Variants in PLEKHG2 observed in about 807,000 individuals in gnomAD.
PLEKHG2 encodes the protein pleckstrin homology and RhoGEF domain containing G2, also known as pleckstrin homology domain-containing family G member 2.
PLEKHG2 carries 71 observed loss-of-function variants against 104.4 expected under a neutral mutation model. The ratio of observed to expected loss-of-function variants is 0.68; its 90% CI spans 0.56 to 0.83. The LOEUF (loss-of-function observed/expected upper bound fraction) is 0.83, where lower values mean the gene tolerates loss of function less well. Among genes scored for constraint, PLEKHG2 ranks in the 40% least tolerant of loss-of-function variants. PLEKHG2 has a pLI of 0.00. For synonymous variants in PLEKHG2, 728 were observed against 737.0 expected (o/e 0.99, Z 0.20); for missense variants, 1,730 against 1,809.4 (o/e 0.96, Z 0.80).
chr19:39,425,356 T>C lies in PLEKHG2; in HGVS notation c.*62T>C, dbSNP rs2078769723. On this transcript the variant is annotated 3_prime_UTR_variant, in exon 19 of 19. Coordinates refer to ENST00000425673, the MANE Select transcript of PLEKHG2 (RefSeq NM_022835.3). ...GCCAGATGCCATAGACCCTCAGAACTTGACCTGGAAGTCCAGACACTGAAC... is the reference window on the plus strand; with the variant it reads ...GCCAGATGCCATAGACCCTCAGAACCTGACCTGGAAGTCCAGACACTGAAC... 6.5e-7 allele frequency: 1 copy of C among 1,541,648 alleles called. No homozygotes were observed. The highest frequency in any genetic ancestry group is 1.4e-5 in the African/African-American group (1 of 71,956).
intron 9 of PLEKHG2, 150 bp downstream of exon 9, chr19:39,418,255 G>A (rs779553753): frequency 9.6e-5 from 68 of 705,534 alleles, no homozygotes; most frequent in Non-Finnish European, 1.3e-4. Context: ...TCTTTCTAGT[G>A]TATAGAATGA....
chr19:39,415,204 C>T lies in PLEKHG2; in HGVS notation c.322C>T (p.Arg108Trp), dbSNP rs140971020. The change falls in exon 3 of 19, where the codon CGG becomes TGG. Residue 108 changes from arginine (R) to tryptophan (W), a missense_variant. Arg to Trp is a moderately radical substitution (Grantham distance 101, BLOSUM62 -3). Coordinates refer to ENST00000425673, the MANE Select transcript of PLEKHG2 (RefSeq NM_022835.3). The surrounding 1 kb of genome is among the most constrained non-coding windows in gnomAD (Gnocchi z 4.6). ...ARPSRLERVA[R>W]EIVETERAYV... ...ACCCTCAAGGCTGGAGCGTGTGGCC[C>T]GGGAGATCGTGGAGACAGAACGGGC... 21 of 1,585,098 alleles carry T rather than the reference C, an allele frequency of 1.3e-5. No homozygotes were observed. In the East Asian group the frequency reaches 1.4e-4, roughly 10 times the overall value.
In PLEKHG2 at chr19:39,416,515, G is replaced by C. The variant is rs757422525; in HGVS notation, c.547-36G>C. On this transcript the variant is annotated intron_variant, in intron 5 of 18. Coordinates refer to ENST00000425673, the MANE Select transcript of PLEKHG2 (RefSeq NM_022835.3). This position sits in a 1 kb window ranked among gnomAD's most constrained non-coding sequence, Gnocchi z 4.5. The stretch of plus-strand genomic sequence containing the variant: ...TGGAAGGGGGGTCGTGGGAAGCCAG[G>C]ACCTGGGGTCTCCCTGACTCCCATG... The C allele has an allele frequency of 6.2e-7, 1 of 1,613,702 alleles. No individual in the cohort carries two copies. The highest frequency in any genetic ancestry group is 8.5e-7 in the Non-Finnish European group (1 of 1,179,832).
intron 8 of PLEKHG2, 64 bp downstream of exon 8, chr19:39,417,756 T>TGGGGGCATGGGGGGGGGG: frequency 2.9e-6 from 1 of 343,354 alleles, no homozygotes; most frequent in Non-Finnish European, 4.4e-6. Flanking sequence ...TTGGGGCGGG[T>TGGGGGCATGGGGGGGGGG]GGGGGGAAAT....
At chr19:39,421,994 G>C in intron 16 of PLEKHG2, 121 bp from the exon 17 acceptor site, 2 of 1,079,920 alleles carry the variant, frequency 1.9e-6, no homozygotes, top group Non-Finnish European at 2.5e-6. Flanking sequence ...TGCAGGCTGG[G>C]CGACAGAGCG....
At position 39,416,604 on chromosome 19, in the gene PLEKHG2, G is replaced by T. The variant is rs1247455471; in HGVS notation, c.593+7G>T. Reference sequence around the variant, plus strand: ...ACTGCATGAACTACCCGAGGTGAGGGGCAGGAGCCCCTGCTGGGCCTCAGG... The same window carrying T: ...ACTGCATGAACTACCCGAGGTGAGGTGCAGGAGCCCCTGCTGGGCCTCAGG... On this transcript the variant is annotated splice_region_variant and intron_variant, in intron 6 of 18. Coordinates refer to ENST00000425673, the MANE Select transcript of PLEKHG2 (RefSeq NM_022835.3). This position sits in a 1 kb window ranked among gnomAD's most constrained non-coding sequence, Gnocchi z 4.5. The T allele has an allele frequency of 3.1e-6, 5 of 1,613,794 alleles. No individual in the cohort carries two copies. Among genetic ancestry groups the T allele is most frequent in the Non-Finnish European group, 3.4e-6 (4 of 1,179,904 alleles).
chr19:39,416,465 G>T lies in PLEKHG2; in HGVS notation c.546+51G>T, dbSNP rs370442696. ...GGTCCTGGATGGGGCCTTTGTAGAG[G>T]GGGGAGAGCAGGCTTGGGCTAGGCT... On this transcript the variant is annotated intron_variant, in intron 5 of 18. Transcript: ENST00000425673. This position sits in a 1 kb window ranked among gnomAD's most constrained non-coding sequence, Gnocchi z 4.5. The T allele has an allele frequency of 1.8e-3, 2,975 of 1,611,328 alleles. 72 individuals carry two copies. In the South Asian group the frequency reaches 0.03, roughly 16 times the overall value.
rs1314311620 is a variant in PLEKHG2, at chr19:39,415,792, G to A, written c.479+353G>A. 6.6e-6 allele frequency among the ~76,000 whole-genome samples: 1 copy of A among 152,168 alleles called. No individual in the cohort carries two copies. Among genetic ancestry groups the A allele is most frequent in the Non-Finnish European group, 1.5e-5 (1 of 68,014 alleles). On this transcript the variant is annotated intron_variant, in intron 4 of 18. Coordinates refer to ENST00000425673, the MANE Select transcript of PLEKHG2 (RefSeq NM_022835.3). This position sits in a 1 kb window ranked among gnomAD's most constrained non-coding sequence, Gnocchi z 4.6. Reference sequence around the variant, plus strand: ...TCCCGGCATCAGGACGAGTCCTTGGGGCTGTGTCAGGTCTGGGCTCACGAT... The same window carrying A: ...TCCCGGCATCAGGACGAGTCCTTGGAGCTGTGTCAGGTCTGGGCTCACGAT...
At chr19:39,419,454 G>A (rs2078662186) in intron 11 of PLEKHG2, among the ~76,000 whole-genome samples, 2 of 151,434 alleles carry the variant, frequency 1.3e-5, no homozygotes, top group African/African-American at 4.8e-5. Context: ...TTAATTAGCT[G>A]GGGCTGGCCA....
In PLEKHG2 at chr19:39,422,214, C is replaced by G; in HGVS notation, c.1603C>G (p.Leu535Val). Residue 535 changes from leucine (L) to valine (V), a missense_variant, in exon 17 of 19, where the codon CTG becomes GTG. Coordinates refer to ENST00000425673, the MANE Select transcript of PLEKHG2 (RefSeq NM_022835.3). ...EDLEDAGPPT[L>V]DPSGTSITEE... The stretch of plus-strand genomic sequence containing the variant: ...CCTGGAGGATGCTGGACCCCCAACA[C>G]TGGACCCCTCTGGGACCTCAATCAC... The G allele has an allele frequency of 6.2e-7, 1 of 1,613,922 alleles. No individual in the cohort carries two copies. The highest frequency in any genetic ancestry group is 8.5e-7 in the Non-Finnish European group (1 of 1,179,940).
intron 11 of PLEKHG2, among the ~76,000 whole-genome samples, chr19:39,420,360 CA>C (rs35833915): frequency 0.028 from 3,363 of 122,192 alleles, 95 homozygotes; most frequent in African/African-American, 0.077. Flanking sequence ...ATCTCCGTCT[CA>C]AAAAAAAAAA....
Position 39,416,786 on chromosome 19 carries a change from C to A in PLEKHG2, c.594-64C>A. 6.5e-7 allele frequency: 1 copy of A among 1,541,114 alleles called. No homozygotes were observed. The highest frequency in any genetic ancestry group is 8.7e-7 in the Non-Finnish European group (1 of 1,143,146). ...ACCCTTCCCAAACCCTGGCCCCTCC[C>A]TAACCCCTCTTGACCCCGCCCACTG... is the stretch of plus-strand genomic sequence containing the variant. On this transcript the variant is annotated intron_variant, in intron 6 of 18. Transcript: ENST00000425673. This position sits in a 1 kb window ranked among gnomAD's most constrained non-coding sequence, Gnocchi z 4.5.
At position 39,425,347 on chromosome 19, in the gene PLEKHG2, C is replaced by T. The variant is rs1027583416; in HGVS notation, c.*53C>T. ...AGGATTTCAGCCAGATGCCATAGAC[C>T]CTCAGAACTTGACCTGGAAGTCCAG... On this transcript the variant is annotated 3_prime_UTR_variant, in exon 19 of 19. Coordinates refer to ENST00000425673, the MANE Select transcript of PLEKHG2 (RefSeq NM_022835.3). 5.8e-6 allele frequency: 9 copies of T among 1,555,740 alleles called. No individual in the cohort carries two copies. Among genetic ancestry groups the T allele is most frequent in the Non-Finnish European group, 6.9e-6 (8 of 1,154,282 alleles).
Position 39,421,011 on chromosome 19 carries a change from CT to C in PLEKHG2, c.1447+16del. 1 of 1,614,082 alleles carries C rather than the reference CT, an allele frequency of 6.2e-7. No individual in the cohort carries two copies. Among genetic ancestry groups the C allele is most frequent in the Non-Finnish European group, 8.5e-7 (1 of 1,180,004 alleles). ...CAGGCAGTCTGGTGAGCACTCACCC[CT>C]AAGGGTGATCCAGGCATCGGGGTGG... On this transcript the variant is annotated intron_variant, in intron 14 of 18. Transcript: ENST00000425673.
chr19:39,421,054 A>G (rs777120284), intron 14 of PLEKHG2, 21 bp from the exon 15 acceptor site: 1 of 1,613,986 alleles, frequency 6.2e-7, no homozygotes, highest in Admixed American at 1.7e-5. Context: ...GGCTCCTGAC[A>G]TCACTGTGTC....
chr19:39,425,005 C>A lies in PLEKHG2; in HGVS notation c.3872C>A (p.Ala1291Asp). Residue 1291 changes from alanine to aspartate, a missense_variant, in exon 19 of 19, where the codon GCT (alanine) becomes GAT (aspartate). Transcript: ENST00000425673. ...LAASYISQSL[A>D]RRQGPGGGAP... The stretch of plus-strand genomic sequence containing the variant: ...GCCTCATATATCAGCCAGAGCCTGG[C>A]TCGGCGGCAGGGGCCTGGGGGAGGG... 1 of 1,609,408 alleles carries A rather than the reference C, an allele frequency of 6.2e-7. No individual in the cohort carries two copies. Among genetic ancestry groups the A allele is most frequent in the Non-Finnish European group, 8.5e-7 (1 of 1,177,134 alleles).
chr19:39,423,874 G>C lies in PLEKHG2; in HGVS notation c.2741G>C (p.Gly914Ala), dbSNP rs1369990055. The change falls in exon 19 of 19, where the codon GGC becomes GCC. Residue 914 changes from glycine to alanine, a missense_variant. By Grantham distance (60) the Gly-to-Ala change is moderately conservative. Coordinates refer to ENST00000425673, the MANE Select transcript of PLEKHG2 (RefSeq NM_022835.3). ...PLSKQGGSPD[G>A]QGLHVSNLPK... ...TCAAAGCAGGGAGGCAGCCCGGATG[G>C]CCAGGGTCTACATGTTTCCAATTTG... 6.2e-7 allele frequency: 1 copy of C among 1,614,176 alleles called. No individual in the cohort carries two copies. The highest frequency in any genetic ancestry group is 8.5e-7 in the Non-Finnish European group (1 of 1,180,042).
Position 39,420,608 on chromosome 19 carries a change from C to T in PLEKHG2, c.1264-18C>T, listed in dbSNP as rs745935430. On this transcript the variant is annotated intron_variant, in intron 11 of 18. Coordinates refer to ENST00000425673, the MANE Select transcript of PLEKHG2 (RefSeq NM_022835.3). Reference sequence around the variant, plus strand: ...TCCAAGATCGACCCACCTCAGCCCTCATCCTCCTGTCTTTCAGGCAAAGCA... The same window carrying T: ...TCCAAGATCGACCCACCTCAGCCCTTATCCTCCTGTCTTTCAGGCAAAGCA... The T allele has an allele frequency of 6.2e-7, 1 of 1,614,148 alleles. No homozygotes were observed.
intron 11 of PLEKHG2, among the ~76,000 whole-genome samples, chr19:39,420,268 A>C (rs989944351): frequency 2.0e-5 from 3 of 151,974 alleles, no homozygotes; most frequent in Non-Finnish European, 4.4e-5. Flanking sequence ...CTGAGGCAGG[A>C]GAATCGCTTG....
Sources: allele counts gnomAD v4.1 joint callset (sites outside exome capture counted in the v4.1 genomes callset), GRCh38; gene constraint gnomAD v4.1.1; non-coding constraint Gnocchi (gnomAD v3.1); transcripts MANE v1.5; gene names NCBI Gene and HGNC (gene_info 2026-07-23, HGNC 2026-07-21).